Variants in STK17B observed in about 807,000 individuals in gnomAD.
STK17B encodes the protein serine/threonine-protein kinase 17B.
Under a neutral mutation model 42.0 loss-of-function variants are expected in STK17B, and 21 were observed. The ratio of observed to expected loss-of-function variants is 0.50; its 90% confidence interval spans 0.35 to 0.72. The LOEUF (loss-of-function observed/expected upper bound fraction) is 0.72, where lower values mean the gene tolerates loss of function less well. STK17B is among the 30% of genes least tolerant of loss of function. The pLI is 0.00. For synonymous variants in STK17B, 143 were observed against 148.4 expected (o/e 0.96, Z 0.26); for missense variants, 349 against 446.0 (o/e 0.78, Z 1.96).
Position 196,140,577 on chromosome 2 carries a change from C to CCTTTTTTTTTT in STK17B, c.656+671_656+672insAAAAAAAAAAG, listed in dbSNP as rs1334737441. On this transcript the variant is annotated intron_variant, in intron 6 of 7. Transcript: ENST00000263955. ...CTGCTTAACAAATACCTTCTTCTAG[C>CCTTTTTTTTTT]TTTTTTTTTTTTTTTTTTTTTTTGT... Among the ~76,000 whole-genome samples the CCTTTTTTTTTT allele has an allele frequency of 4.9e-5, 5 of 101,478 alleles. 1 individual carries two copies. Among genetic ancestry groups the CCTTTTTTTTTT allele is most frequent in the African/African-American group, 3.6e-5 (1 of 27,890 alleles). The allele number at this position is 101,478 out of a possible 152,430, so 66.6% of individuals were successfully genotyped here.
chr2:196,143,708 CATG>C (rs748897656), intron 4 of STK17B, 22 bp from the exon 5 acceptor site: 2 of 1,484,008 alleles, frequency 1.3e-6, no homozygotes, highest in Non-Finnish European at 1.8e-6. Context: ...ACAACAAAAA[CATG>C]ATAAGTAATA....
chr2:196,159,134 A>G (rs1484939535), intron 2 of STK17B, among the ~76,000 whole-genome samples: 4 of 152,170 alleles, frequency 2.6e-5, no homozygotes, highest in African/African-American at 4.8e-5. Context: ...TGGGCTTTAT[A>G]AAGAAATTCA....
In STK17B at chr2:196,135,004, A is replaced by G. The variant is rs1699376773; in HGVS notation, c.*2443T>C. On this transcript the variant is annotated 3_prime_UTR_variant, in exon 8 of 8. Coordinates refer to ENST00000263955, the MANE Select transcript of STK17B (RefSeq NM_004226.4). ...AGTGGATTTTTATATTCTTTGTGCA[A>G]TCACTAGTTGCTTTTTTACTATAAA... The G allele has an allele frequency of 6.6e-6, 1 of 152,194 alleles. No homozygotes were observed. The allele number at this position is 152,194 out of a possible 1,614,324, so 9.4% of individuals were successfully genotyped here.
At chr2:196,170,021 G>C (rs983661239) in intron 1 of STK17B, among the ~76,000 whole-genome samples, 1 of 152,154 alleles carries the variant, frequency 6.6e-6, no homozygotes, top group African/African-American at 2.4e-5. Flanking sequence ...CGAGGCAGAT[G>C]AGTTTAAAAC....
At chr2:196,162,984 C>T (rs1249514047) in intron 2 of STK17B, among the ~76,000 whole-genome samples, 1 of 152,170 alleles carries the variant, frequency 6.6e-6, no homozygotes, top group African/African-American at 2.4e-5. Context: ...GTCCACTATG[C>T]TGAGCTGCCT....
Position 196,143,610 on chromosome 2 carries a change from A to G in STK17B, c.557T>C (p.Ile186Thr), listed in dbSNP as rs1699524549. ...TTCCCGAAGTTCACACGCATGCCCT[A>G]TTTTTCGAGACATTCCAAAATCTAC... Reference protein sequence around the residue: ...KIVDFGMSRKIGHACELREIM... With the variant: ...KIVDFGMSRKTGHACELREIM... Residue 186 changes from isoleucine (I) to threonine (T), a missense_variant, in exon 5 of 8, where the codon ATA becomes ACA. By Grantham distance (89) the Ile-to-Thr change is moderately conservative. Coordinates refer to ENST00000263955, the MANE Select transcript of STK17B (RefSeq NM_004226.4). 1.2e-6 allele frequency: 2 copies of G among 1,609,524 alleles called. No homozygotes were observed. The highest frequency in any genetic ancestry group is 1.7e-5 in the Admixed American group (1 of 59,282).
Position 196,152,609 on chromosome 2 carries a change from G to A in STK17B, c.335+3830C>T, listed in dbSNP as rs536715996. Among the ~76,000 whole-genome samples, 69 of 152,304 alleles carry A rather than the reference G, an allele frequency of 4.5e-4. No homozygotes were observed. In the South Asian group the frequency reaches 0.014, roughly 32 times the overall value. On this transcript the variant is annotated intron_variant, in intron 3 of 7. Coordinates refer to ENST00000263955, the MANE Select transcript of STK17B (RefSeq NM_004226.4). ...CAACCATACAACAGAGTACTATGCA[G>A]CCATTTAAGAAACTGGCCATAATAA... is the stretch of plus-strand genomic sequence containing the variant.
rs36126442 is a variant in STK17B at position 196,152,325 on chromosome 2, T to TCTC, written c.335+4111_335+4113dup. Among the ~76,000 whole-genome samples, 1,463 of 152,186 alleles carry TCTC rather than the reference T, an allele frequency of 9.6e-3. 33 individuals are homozygous for TCTC. The highest frequency in any genetic ancestry group is 0.07 in the East Asian group (360 of 5,174). On this transcript the variant is annotated intron_variant, in intron 3 of 7. Transcript: ENST00000263955. The stretch of plus-strand genomic sequence containing the variant: ...GGTTTCACCCTGTTAGCCAGAATAG[T>TCTC]CTCCATCTCCTGACCTCATGATCCT...
intron 2 of STK17B, among the ~76,000 whole-genome samples, chr2:196,158,778 A>T (rs1699773243): frequency 6.6e-6 from 1 of 152,074 alleles, no homozygotes; most frequent in African/African-American, 2.4e-5. Flanking sequence ...TGGGGAGGCC[A>T]AGGCGGGCAG....
Position 196,163,299 on chromosome 2 carries a change from T to G in STK17B, c.85A>C (p.Asn29His), listed in dbSNP as rs1699836344. 22 of 1,608,284 alleles carry G rather than the reference T, an allele frequency of 1.4e-5. No individual in the cohort carries two copies. Among genetic ancestry groups the G allele is most frequent in the Non-Finnish European group, 1.9e-5 (22 of 1,178,428 alleles). The change falls in exon 2 of 8, where the codon AAT becomes CAT. Residue 29 changes from asparagine (N) to histidine (H), a missense_variant. Physicochemically the swap from Asn to His is moderately conservative, Grantham distance 68. Around this residue, in one of 3 missense-constraint regions of STK17B, gnomAD observed 256 missense variants for 347.7 expected, o/e 0.74. Coordinates refer to ENST00000263955, the MANE Select transcript of STK17B (RefSeq NM_004226.4). ...PQIPIKMENF[N>H]NFYILTSKEL... ...TTAGATGTAAGTATATAGAAATTAT[T>G]AAAGTTTTCCATTTTTATTGGAATT...
intron 5 of STK17B, among the ~76,000 whole-genome samples, chr2:196,141,835 AT>A (rs766430988): frequency 4.6e-5 from 7 of 152,184 alleles, no homozygotes; most frequent in African/African-American, 7.2e-5. Context: ...TCTTGGAGTA[AT>A]TAGTGGCTAG....
In STK17B at chr2:196,158,118, A is replaced by G. The variant is rs924139357; in HGVS notation, c.123-1467T>C. On this transcript the variant is annotated intron_variant, in intron 2 of 7. Transcript: ENST00000263955. Reference sequence around the variant, plus strand: ...ATCTTTAGGAAGCAATGTTTGTTCCATAACTCCTCTTGCCTCAATTCCCTT... The same window carrying G: ...ATCTTTAGGAAGCAATGTTTGTTCCGTAACTCCTCTTGCCTCAATTCCCTT... 4.6e-5 allele frequency among the ~76,000 whole-genome samples: 7 copies of G among 152,204 alleles called. No homozygotes were observed. The South Asian group carries it at 8.3e-4, about 18-fold the overall frequency.
intron 5 of STK17B, 59 bp downstream of exon 5, chr2:196,143,501 G>T: frequency 1.4e-6 from 2 of 1,437,820 alleles, no homozygotes; most frequent in Non-Finnish European, 9.4e-7. Context: ...TAGTTCTACA[G>T]AGGTATCATT....
chr2:196,170,953 G>C (rs1575190344), intron 1 of STK17B: 1 of 152,298 alleles, frequency 6.6e-6, no homozygotes, highest in Admixed American at 6.5e-5. Context: ...TGCTGTGGAA[G>C]GGACCCGCGC....
At chr2:196,155,026 C>T (rs887885486) in intron 3 of STK17B, 13 of 152,134 alleles carry the variant, frequency 8.5e-5, no homozygotes, top group African/African-American at 2.4e-5. Flanking sequence ...CAAATCTTTC[C>T]GATGTATTTT....
chr2:196,159,387 C>CG (rs1699783129), intron 2 of STK17B, among the ~76,000 whole-genome samples: 1 of 151,216 alleles, frequency 6.6e-6, no homozygotes, highest in South Asian at 2.1e-4. Context: ...CTCAGCTCAC[C>CG]GCAGCCTCAA....
chr2:196,170,342 T>C (rs573658625), intron 1 of STK17B, among the ~76,000 whole-genome samples: 1 of 152,356 alleles, frequency 6.6e-6, no homozygotes, highest in Non-Finnish European at 1.5e-5. Context: ...GGCAAGGTTC[T>C]GCTTATCATT....
At chr2:196,147,988 AAAGTGTTGGGATT>A (rs1318152666) in intron 3 of STK17B, among the ~76,000 whole-genome samples, 1 of 152,138 alleles carries the variant, frequency 6.6e-6, no homozygotes, top group Non-Finnish European at 1.5e-5. Flanking sequence ...TTGGCCTCCC[AAAGTGTTGGGATT>A]ACAGGTGTGA....
intron 1 of STK17B, among the ~76,000 whole-genome samples, chr2:196,169,968 C>G (rs1699919155): frequency 2.0e-5 from 3 of 152,068 alleles, no homozygotes; most frequent in Admixed American, 2.0e-4. Flanking sequence ...TATTAAGATA[C>G]TAGAAAAAGT....
Sources: gnomAD v4.1 joint callset for allele counts (sites outside exome capture counted in the v4.1 genomes callset) on GRCh38, gnomAD v4.1.1 for gene constraint, gnomAD v4.1.1 regional missense constraint, MANE v1.5 for transcripts, NCBI Gene and HGNC (gene_info 2026-07-23, HGNC 2026-07-21) for gene names.